SLC16A10: variants seen among roughly 807,000 people sequenced by gnomAD.
SLC16A10 encodes monocarboxylate transporter 10.
A neutral mutation model predicts 40.0 loss-of-function variants in SLC16A10; 27 were observed. The ratio of observed to expected loss-of-function variants is 0.67; its 90% CI spans 0.50 to 0.93. The LOEUF is 0.93. Among genes scored for constraint, SLC16A10 ranks in the 40% least tolerant of loss-of-function variants. The pLI is 0.00. For synonymous variants in SLC16A10, 213 were observed against 249.8 expected, an observed-to-expected ratio of 0.85 and a Z score of 1.39; for missense variants, 529 against 658.2, an observed-to-expected ratio of 0.80 and a Z score of 2.15.
At chr6:111,132,045 A>C (rs1281515008) in intron 1 of SLC16A10, among the ~76,000 whole-genome samples, 4 of 152,160 alleles carry the variant, frequency 2.6e-5, no homozygotes, top group African/African-American at 9.7e-5. Context: ...TGTGTCCTTA[A>C]GCCCCTAGGC....
At chr6:111,132,365 C>T (rs2114490782) in intron 1 of SLC16A10, among the ~76,000 whole-genome samples, 1 of 152,342 alleles carries the variant, frequency 6.6e-6, no homozygotes, top group South Asian at 2.1e-4. Context: ...CTTCTCCTGA[C>T]CCTGTAACAC....
chr6:111,110,347 A>AT (rs11383793), intron 1 of SLC16A10, among the ~76,000 whole-genome samples: 113,357 of 146,480 alleles, frequency 0.77, 44,148 homozygotes, highest in Non-Finnish European at 0.85. Flanking sequence ...GAGGGTAACA[A>AT]TTTTTTTTTT....
chr6:111,227,334 A>T lies in SLC16A10; in HGVS notation c.*5099A>T, dbSNP rs1463134234. On this transcript the variant is annotated 3_prime_UTR_variant, in exon 6 of 6. Coordinates refer to ENST00000368851, the MANE Select transcript of SLC16A10 (RefSeq NM_018593.5). The stretch of plus-strand genomic sequence containing the variant: ...CAGAGATTAATGCTTTGTGTTATAA[A>T]TATACTATAGAACAATAGGTCACGA... 2 of 152,320 alleles carry T rather than the reference A, an allele frequency of 1.3e-5. No homozygotes were observed. The highest frequency in any genetic ancestry group is 3.9e-4 in the East Asian group (2 of 5,184). The allele number at this position is 152,320 out of a possible 1,614,324, so 9.4% of individuals were successfully genotyped here.
chr6:111,216,784 T>G (rs1583368348), intron 4 of SLC16A10, among the ~76,000 whole-genome samples: 1 of 152,054 alleles, frequency 6.6e-6, no homozygotes, highest in East Asian at 1.9e-4. Context: ...GAAGAAAAAA[T>G]GTACCGAACT....
rs541758500 is a variant in SLC16A10, at chr6:111,089,908, G to GTTT, written c.343+1849_343+1851dup. On this transcript the variant is annotated intron_variant, in intron 1 of 5. Transcript: ENST00000368851. ...TAGATCCTTTGGTGTCTGTGGGTGG[G>GTTT]TTTTTTTTTTTTTTTTTTTTTTTTT... Among the ~76,000 whole-genome samples the GTTT allele has an allele frequency of 1.5e-3, 80 of 52,338 alleles. 33 individuals carry two copies. Among genetic ancestry groups the GTTT allele is most frequent in the Admixed American group, 3.6e-3 (14 of 3,850 alleles). 34.3% of individuals were successfully genotyped at this position (52,338 alleles called of 152,430 possible). A position where few individuals can be genotyped will look rare whatever the true frequency, so the allele number is the denominator to read the frequency against.
chr6:111,140,489 T>A (rs561311772), intron 1 of SLC16A10, among the ~76,000 whole-genome samples: 1 of 150,980 alleles, frequency 6.6e-6, no homozygotes, highest in East Asian at 1.9e-4. Context: ...AGGAACAGAA[T>A]GTTACCAGCC....
chr6:111,208,164 TAAC>T (rs1773285771), intron 4 of SLC16A10, among the ~76,000 whole-genome samples: 1 of 152,056 alleles, frequency 6.6e-6, no homozygotes, highest in African/African-American at 2.4e-5. Flanking sequence ...TTTTCTGTAG[TAAC>T]AGGGTTTCGC....
chr6:111,201,031 A>G (rs1773159127), intron 3 of SLC16A10, among the ~76,000 whole-genome samples: 1 of 152,198 alleles, frequency 6.6e-6, no homozygotes, highest in Non-Finnish European at 1.5e-5. Context: ...TGTAGCATTT[A>G]TTATCCCATT....
At chr6:111,095,999 T>C (rs1160203428) in intron 1 of SLC16A10, among the ~76,000 whole-genome samples, 1 of 152,212 alleles carries the variant, frequency 6.6e-6, no homozygotes, top group African/African-American at 2.4e-5. Context: ...TGTCATTACC[T>C]CCATGGATAG....
intron 3 of SLC16A10, among the ~76,000 whole-genome samples, chr6:111,196,414 G>T (rs1480902014): frequency 2.0e-5 from 3 of 152,200 alleles, no homozygotes; most frequent in Non-Finnish European, 4.4e-5. Flanking sequence ...TACTTAGGGG[G>T]TTGAGGTGGC....
chr6:111,111,280 T>C (rs895797781), intron 1 of SLC16A10, among the ~76,000 whole-genome samples: 2 of 152,252 alleles, frequency 1.3e-5, no homozygotes, highest in South Asian at 4.1e-4. Flanking sequence ...TTTTGTATTA[T>C]GTATAACATG....
rs557658899 is a variant in SLC16A10, at chr6:111,201,162, G to A, written c.943-5430G>A. On this transcript the variant is annotated intron_variant, in intron 3 of 5. Coordinates refer to ENST00000368851, the MANE Select transcript of SLC16A10 (RefSeq NM_018593.5). Reference sequence around the variant, plus strand: ...ATTGTCCACCCCTTTCCAGTTCGATGATGTGTATCTGATGAGGAAGGACAG... The same window carrying A: ...ATTGTCCACCCCTTTCCAGTTCGATAATGTGTATCTGATGAGGAAGGACAG... Among the ~76,000 whole-genome samples, 7 of 152,258 alleles carry A rather than the reference G, an allele frequency of 4.6e-5. No homozygotes were observed. In the East Asian group the frequency reaches 1.3e-3, roughly 29 times the overall value.
At chr6:111,135,727 C>T (rs766295279) in intron 1 of SLC16A10, among the ~76,000 whole-genome samples, 1 of 152,198 alleles carries the variant, frequency 6.6e-6, no homozygotes, top group Non-Finnish European at 1.5e-5. Flanking sequence ...AGACTTGAGC[C>T]AGTTCTCATA....
At chr6:111,178,160 C>T (rs1365356635) in intron 3 of SLC16A10, among the ~76,000 whole-genome samples, 2 of 152,176 alleles carry the variant, frequency 1.3e-5, no homozygotes, top group Non-Finnish European at 2.9e-5. Context: ...TATGATTTTG[C>T]TACCATAAGT....
chr6:111,100,959 CCTCT>C lies in SLC16A10; in HGVS notation c.343+12895_343+12898del, dbSNP rs71021825. Among the ~76,000 whole-genome samples, 353 of 81,402 alleles carry C rather than the reference CCTCT, an allele frequency of 4.3e-3. 1 individual carries two copies. Among genetic ancestry groups the C allele is most frequent in the African/African-American group, 0.012 (249 of 20,942 alleles). The allele number at this position is 81,402 out of a possible 152,430, so 53.4% of individuals were successfully genotyped here. A position where few individuals can be genotyped will look rare whatever the true frequency, so the allele number is the denominator to read the frequency against. Reference sequence around the variant, plus strand: ...GGGGTTCTCTCTCGCTCTTTCTCTCCCTCTCTCTCTCTCTCTCTCTCTCTCTCTC... The same window carrying C: ...GGGGTTCTCTCTCGCTCTTTCTCTCCCTCTCTCTCTCTCTCTCTCTCTCTC... On this transcript the variant is annotated intron_variant, in intron 1 of 5. Transcript: ENST00000368851.
chr6:111,211,003 A>G (rs184543772), intron 4 of SLC16A10, among the ~76,000 whole-genome samples: 15 of 148,882 alleles, frequency 1.0e-4, no homozygotes, highest in Non-Finnish European at 1.6e-4. Context: ...AGCCTGGGTG[A>G]CAGAGTGAGA....
At chr6:111,094,510 C>T (rs749192086) in intron 1 of SLC16A10, among the ~76,000 whole-genome samples, 6 of 152,176 alleles carry the variant, frequency 3.9e-5, no homozygotes, top group Non-Finnish European at 5.9e-5. Context: ...TGTATCTTAG[C>T]TTCTTATTTC....
intron 1 of SLC16A10, among the ~76,000 whole-genome samples, chr6:111,089,220 G>C (rs1770929947): frequency 6.6e-6 from 1 of 152,062 alleles, no homozygotes; most frequent in South Asian, 2.1e-4. Context: ...GTAATGCTGG[G>C]TTATGCTGAG....
intron 1 of SLC16A10, among the ~76,000 whole-genome samples, chr6:111,132,510 G>A (rs1583319280): frequency 6.6e-6 from 1 of 152,322 alleles, no homozygotes; most frequent in East Asian, 1.9e-4. Context: ...TCAGTCGGTA[G>A]CGGCAACTGC....
Sources: allele counts gnomAD v4.1 joint callset (sites outside exome capture counted in the v4.1 genomes callset), GRCh38; gene constraint gnomAD v4.1.1; transcripts MANE v1.5; gene names NCBI Gene and HGNC (gene_info 2026-07-23, HGNC 2026-07-21).